RAD50: variants seen among roughly 807,000 people sequenced by gnomAD.
RAD50 encodes the protein DNA repair protein RAD50.
RAD50 carries 132 observed loss-of-function variants against 168.8 expected under a neutral mutation model. The observed-to-expected ratio is 0.78, with a 90% CI of 0.68 to 0.90. The LOEUF (loss-of-function observed/expected upper bound fraction) is 0.90, where lower values mean the gene tolerates loss of function less well. Ranked by LOEUF, RAD50 falls within the 40% of genes least tolerant of loss-of-function variation. The pLI is 0.00. For missense variants in RAD50, 1,347 were observed against 1,534.4 expected (o/e 0.88, Z 2.04); for synonymous variants, 525 against 497.4 (o/e 1.06, Z -0.74).
intron 11 of RAD50, 99 bp from the exon 12 acceptor site, chr5:132,594,770 A>G (rs1339917461): frequency 4.0e-6 from 5 of 1,251,710 alleles, no homozygotes; most frequent in Non-Finnish European, 5.8e-6. Context: ...AACTCTTGTC[A>G]TGATTTGTTG....
At chr5:132,608,521 A>G in intron 16 of RAD50, 94 bp from the exon 17 acceptor site, 1 of 1,087,780 alleles carries the variant, frequency 9.2e-7, no homozygotes, top group Non-Finnish European at 1.3e-6. Context: ...AGAGCCTGGC[A>G]CATAGAAAGT....
intron 2 of RAD50, among the ~76,000 whole-genome samples, chr5:132,570,225 G>T (rs1750277463): frequency 6.6e-6 from 1 of 152,108 alleles, no homozygotes; most frequent in South Asian, 2.1e-4. Context: ...TGGGGGATTG[G>T]AGCCCAAGTA....
intron 21 of RAD50, among the ~76,000 whole-genome samples, chr5:132,621,320 A>C (rs1179047282): frequency 6.6e-6 from 1 of 152,184 alleles, no homozygotes; most frequent in Non-Finnish European, 1.5e-5. Flanking sequence ...CATAGCTTTA[A>C]TGTGAATTGT....
At chr5:132,599,544 A>AT (rs1750849876) in intron 13 of RAD50, among the ~76,000 whole-genome samples, 1 of 152,142 alleles carries the variant, frequency 6.6e-6, no homozygotes, top group Non-Finnish European at 1.5e-5. Context: ...AAGGTCAATA[A>AT]TGAATTAAGA....
intron 12 of RAD50, 143 bp downstream of exon 12, chr5:132,595,187 A>G: frequency 1.1e-6 from 1 of 890,116 alleles, no homozygotes. Context: ...CAACTTACTC[A>G]CTGTGTGACT....
intron 9 of RAD50, among the ~76,000 whole-genome samples, chr5:132,590,429 C>T (rs1341573456): frequency 6.6e-6 from 1 of 152,144 alleles, no homozygotes; most frequent in Non-Finnish European, 1.5e-5. Context: ...AAGATTGCGC[C>T]ACTGCTCTCC....
intron 19 of RAD50, among the ~76,000 whole-genome samples, chr5:132,614,084 C>G (rs1751133933): frequency 6.6e-6 from 1 of 152,094 alleles, no homozygotes; most frequent in Admixed American, 6.5e-5. Context: ...TCTTTCAAAA[C>G]TAGAAGAATA....
At chr5:132,586,540 T>G (rs976900193) in intron 5 of RAD50, among the ~76,000 whole-genome samples, 1 of 152,334 alleles carries the variant, frequency 6.6e-6, no homozygotes, top group African/African-American at 2.4e-5. Context: ...AAAGTTTCTG[T>G]TTTTAGGTTC....
At chr5:132,626,564 GTAAGT>G (rs941409617) in intron 21 of RAD50, among the ~76,000 whole-genome samples, 23 of 152,288 alleles carry the variant, frequency 1.5e-4, no homozygotes, top group African/African-American at 4.6e-4. Context: ...ATTCTTTAAT[GTAAGT>G]TAAGTTCTTA....
chr5:132,585,111 G>C (rs913681365), intron 5 of RAD50, among the ~76,000 whole-genome samples: 2 of 152,086 alleles, frequency 1.3e-5, no homozygotes, highest in Admixed American at 6.5e-5. Flanking sequence ...AAAGAAATAA[G>C]TTGTTTTCGG....
Position 132,643,574 on chromosome 5 carries a change from A to G in RAD50, c.*1210A>G, listed in dbSNP as rs535043646. 1 of 231,064 alleles carries G rather than the reference A, an allele frequency of 4.3e-6. No individual in the cohort carries two copies. The highest frequency in any genetic ancestry group is 8.6e-6 in the Non-Finnish European group (1 of 116,124). 14.3% of individuals were successfully genotyped at this position (231,064 alleles called of 1,614,324 possible). A position where few individuals can be genotyped will look rare whatever the true frequency, so the allele number is the denominator to read the frequency against. Reference sequence around the variant, plus strand: ...TAAGCCCTAAGGTCCTAAGGCATCTATCTGTGCTAGGTTAAATGGTTGGCC... The same window carrying G: ...TAAGCCCTAAGGTCCTAAGGCATCTGTCTGTGCTAGGTTAAATGGTTGGCC... On this transcript the variant is annotated 3_prime_UTR_variant, in exon 25 of 25. Coordinates refer to ENST00000378823, the MANE Select transcript of RAD50 (RefSeq NM_005732.4).
intron 2 of RAD50, among the ~76,000 whole-genome samples, chr5:132,566,552 A>G (rs189515661): frequency 1.1e-4 from 17 of 152,144 alleles, no homozygotes; most frequent in African/African-American, 4.1e-4. Flanking sequence ...CTTTACCTCC[A>G]TCCTCAACCC....
In RAD50 at chr5:132,644,521, T is replaced by G. The variant is rs1361905324; in HGVS notation, c.*2157T>G. Reference sequence around the variant, plus strand: ...GTAAAATGGTACATATTTTGTAGGGTTGTTATGAAGATTGAATGACATTAT... The same window carrying G: ...GTAAAATGGTACATATTTTGTAGGGGTGTTATGAAGATTGAATGACATTAT... On this transcript the variant is annotated 3_prime_UTR_variant, in exon 25 of 25. Coordinates refer to ENST00000378823, the MANE Select transcript of RAD50 (RefSeq NM_005732.4). 5.5e-6 allele frequency: 1 copy of G among 181,092 alleles called. No individual in the cohort carries two copies. The highest frequency in any genetic ancestry group is 2.4e-5 in the African/African-American group (1 of 42,410). The allele number at this position is 181,092 out of a possible 1,614,324, so 11.2% of individuals were successfully genotyped here. A position where few individuals can be genotyped will look rare whatever the true frequency, so the allele number is the denominator to read the frequency against.
intron 11 of RAD50, among the ~76,000 whole-genome samples, chr5:132,594,031 T>G (rs1234848598): frequency 6.6e-6 from 1 of 152,172 alleles, no homozygotes; most frequent in African/African-American, 2.4e-5. Context: ...TCACTGGTGA[T>G]CTTGATGAGA....
At position 132,637,179 on chromosome 5, in the gene RAD50, C is replaced by T. The variant is rs745797941; in HGVS notation, c.3454C>T (p.Arg1152Ter). Residue 1152 changes from arginine (R) to a stop codon, truncating the protein, a stop_gained, in exon 22 of 25, where the codon CGA (arginine) becomes TGA (stop). Transcript: ENST00000378823. LOFTEE classifies it high-confidence loss of function. ...CAATAAAATTATACGTGACCTGTGG[C>T]GAAGTACCTATCGTGGACAAGGTGA... is the stretch of plus-strand genomic sequence containing the variant. ...EINKIIRDLWRSTYRGQDIEY... is the reference protein window; with the variant it reads ...EINKIIRDLW 5.0e-6 allele frequency: 8 copies of T among 1,611,842 alleles called. No individual in the cohort carries two copies. The highest frequency in any genetic ancestry group is 1.3e-5 in the African/African-American group (1 of 74,820).
At chr5:132,592,264 G>C (rs1750715101) in intron 11 of RAD50, among the ~76,000 whole-genome samples, 1 of 152,186 alleles carries the variant, frequency 6.6e-6, no homozygotes, top group Non-Finnish European at 1.5e-5. Flanking sequence ...ACTCTTCTGA[G>C]CAGTGATACC....
chr5:132,564,853 A>G (rs1218041694), intron 2 of RAD50, among the ~76,000 whole-genome samples: 1 of 152,184 alleles, frequency 6.6e-6, no homozygotes, highest in Non-Finnish European at 1.5e-5. Flanking sequence ...CTGCTGCTCC[A>G]GAGGCTGCAA....
chr5:132,635,366 A>G (rs772476232), intron 21 of RAD50, among the ~76,000 whole-genome samples: 3 of 152,268 alleles, frequency 2.0e-5, no homozygotes, highest in Non-Finnish European at 4.4e-5. Flanking sequence ...AGATTACTGT[A>G]GCGACCTTAG....
Position 132,589,670 on chromosome 5 carries a change from A to T in RAD50, c.1285A>T (p.Ile429Leu), listed in dbSNP as rs1300031491. The T allele has an allele frequency of 6.2e-7, 1 of 1,607,780 alleles. No individual in the cohort carries two copies. Among genetic ancestry groups the T allele is most frequent in the Admixed American group, 1.7e-5 (1 of 59,590 alleles). ...AAAAGAGACTCTGAAACAAAAACAG[A>T]TAGATGAGATAAGAGATAAGAAAAC... is the stretch of plus-strand genomic sequence containing the variant. ...AEKETLKQKQ[I>L]DEIRDKKTGL... is the part of the protein sequence containing the mutation. Residue 429 changes from isoleucine to leucine, a missense_variant, in exon 9 of 25, where the codon ATA becomes TTA. Ile to Leu is a conservative substitution (Grantham distance 5). This residue lies in a region of RAD50 where 703 missense variants were observed against 767.7 expected (regional missense o/e 0.92). Transcript: ENST00000378823.
Sources: gnomAD v4.1 joint callset for allele counts (sites outside exome capture counted in the v4.1 genomes callset) on GRCh38, gnomAD v4.1.1 for gene constraint, gnomAD v4.1.1 regional missense constraint, MANE v1.5 for transcripts, NCBI Gene and HGNC (gene_info 2026-07-23, HGNC 2026-07-21) for gene names.